USP10: variants seen among roughly 807,000 people sequenced by gnomAD.
USP10 encodes the protein ubiquitin carboxyl-terminal hydrolase 10.
USP10 carries 22 observed loss-of-function variants against 84.5 expected under a neutral mutation model. The ratio of observed to expected loss-of-function variants is 0.26; its 90% CI spans 0.19 to 0.37. USP10 has a LOEUF of 0.37. Among genes scored for constraint, USP10 ranks in the 10% least tolerant of loss-of-function variants. The pLI is 1.00. For missense variants in USP10, 1,019 were observed against 998.9 expected (o/e 1.02, Z -0.27); for synonymous variants, 454 against 387.6 (o/e 1.17, Z -2.01).
intron 1 of USP10, among the ~76,000 whole-genome samples, chr16:84,707,692 A>G (rs1364716893): frequency 6.6e-6 from 1 of 152,252 alleles, no homozygotes; most frequent in Non-Finnish European, 1.5e-5. Flanking sequence ...TGGAGATTGA[A>G]GTGACTTATC....
intron 1 of USP10, among the ~76,000 whole-genome samples, chr16:84,722,427 G>A (rs559990122): frequency 2.6e-5 from 4 of 152,336 alleles, no homozygotes; most frequent in Admixed American, 6.5e-5. Context: ...TTCATTTCTT[G>A]TGGGTAAAAT....
At chr16:84,776,306 T>C (rs28557394) in intron 13 of USP10, among the ~76,000 whole-genome samples, 5 of 98,008 alleles carry the variant, frequency 5.1e-5, no homozygotes, top group South Asian at 3.4e-4. Context: ...GGTGAGGGCC[T>C]AGCGGTGGGG....
intron 4 of USP10, among the ~76,000 whole-genome samples, chr16:84,748,871 C>T (rs1007947875): frequency 7.2e-5 from 11 of 152,234 alleles, no homozygotes; most frequent in African/African-American, 2.7e-4. Flanking sequence ...CCTTGCCACA[C>T]ACAGTCCACG....
Position 84,769,522 on chromosome 16 carries a change from G to T in USP10, c.1998+1164G>T, listed in dbSNP as rs937352824. Among the ~76,000 whole-genome samples the T allele has an allele frequency of 5.3e-5, 8 of 152,270 alleles. No homozygotes were observed. In the South Asian group the frequency reaches 8.3e-4, roughly 16 times the overall value. The stretch of plus-strand genomic sequence containing the variant: ...GAGTCTGGCGGTGGACCTCGTGGAA[G>T]AGAGAGAGGGAAAAAGTGGTATTTG... On this transcript the variant is annotated intron_variant, in intron 11 of 13. Transcript: ENST00000219473.
chr16:84,761,422 G>A (rs1913190271), intron 8 of USP10, among the ~76,000 whole-genome samples: 1 of 152,240 alleles, frequency 6.6e-6, no homozygotes, highest in Non-Finnish European at 1.5e-5. Flanking sequence ...GCAGAAGCTG[G>A]TATACCCGTG....
chr16:84,755,545 T>C (rs2150841287), intron 4 of USP10, among the ~76,000 whole-genome samples: 1 of 152,222 alleles, frequency 6.6e-6, no homozygotes, highest in Non-Finnish European at 1.5e-5. Flanking sequence ...TGTGTGATTA[T>C]CAATCTGTTG....
intron 4 of USP10, among the ~76,000 whole-genome samples, chr16:84,746,634 T>G (rs1396791186): frequency 6.6e-6 from 1 of 152,182 alleles, no homozygotes; most frequent in Non-Finnish European, 1.5e-5. Context: ...TGAATGGAGC[T>G]TGCAAGACTG....
intron 1 of USP10, among the ~76,000 whole-genome samples, chr16:84,710,515 G>A (rs1196443256): frequency 1.3e-5 from 2 of 152,080 alleles, no homozygotes; most frequent in African/African-American, 2.4e-5. Context: ...AGTGGTAATT[G>A]GATAGAGTAG....
At chr16:84,739,506 C>G (rs1910369380) in intron 2 of USP10, among the ~76,000 whole-genome samples, 1 of 152,116 alleles carries the variant, frequency 6.6e-6, no homozygotes, top group Non-Finnish European at 1.5e-5. Flanking sequence ...CTCCTGACCT[C>G]AAGTGATTCA....
intron 1 of USP10, among the ~76,000 whole-genome samples, chr16:84,713,581 G>A (rs1290522425): frequency 6.6e-6 from 1 of 152,102 alleles, no homozygotes; most frequent in African/African-American, 2.4e-5. Context: ...TTCACTGCTG[G>A]GGCCCCTAGT....
chr16:84,702,613 G>A (rs1215199301), intron 1 of USP10, among the ~76,000 whole-genome samples: 1 of 152,146 alleles, frequency 6.6e-6, no homozygotes, highest in Non-Finnish European at 1.5e-5. Flanking sequence ...AATAACAACT[G>A]CAAATTGAAG....
intron 1 of USP10, among the ~76,000 whole-genome samples, chr16:84,726,957 C>G (rs749783745): frequency 9.9e-5 from 15 of 152,212 alleles, no homozygotes; most frequent in Admixed American, 2.6e-4. Context: ...GTTGCTGAAA[C>G]CTTAGGGGGC....
chr16:84,721,331 A>G (rs1397661224), intron 1 of USP10, among the ~76,000 whole-genome samples: 1 of 152,220 alleles, frequency 6.6e-6, no homozygotes, highest in African/African-American at 2.4e-5. Flanking sequence ...TGAGAGATTA[A>G]CAAATAGAGC....
intron 10 of USP10, among the ~76,000 whole-genome samples, chr16:84,766,599 G>T (rs983984697): frequency 7.9e-5 from 12 of 152,166 alleles, no homozygotes; most frequent in African/African-American, 2.4e-4. Flanking sequence ...TGCAGAGGCC[G>T]GGTATCAGAA....
intron 2 of USP10, 38 bp downstream of exon 2, chr16:84,733,541 A>G (rs575043267): frequency 6.6e-6 from 9 of 1,368,290 alleles, no homozygotes; most frequent in Non-Finnish European, 9.1e-6. Context: ...CCGTGGGTAG[A>G]TACAATTAAT....
At position 84,773,647 on chromosome 16, in the gene USP10, C is replaced by G. The variant is rs1223034587; in HGVS notation, c.2143+962C>G. Among the ~76,000 whole-genome samples, 4 of 152,228 alleles carry G rather than the reference C, an allele frequency of 2.6e-5. No individual in the cohort carries two copies. In the East Asian group the frequency reaches 7.7e-4, roughly 29 times the overall value. On this transcript the variant is annotated intron_variant, in intron 12 of 13. Transcript: ENST00000219473. ...AGTGTCCGTTGCTCCTCTCACACTT[C>G]TAGCTGCCTTATCACTCATCAGCCG...
intron 1 of USP10, among the ~76,000 whole-genome samples, chr16:84,706,635 G>C (rs1209823443): frequency 6.6e-6 from 1 of 151,562 alleles, no homozygotes; most frequent in Non-Finnish European, 1.5e-5. Context: ...CCGCCTCCCG[G>C]GTTCACGCCA....
chr16:84,705,530 C>G (rs958101972), intron 1 of USP10, among the ~76,000 whole-genome samples: 3 of 151,780 alleles, frequency 2.0e-5, no homozygotes, highest in Non-Finnish European at 2.9e-5. Flanking sequence ...CACACCCAGC[C>G]ACTCCTGTGC....
chr16:84,717,431 T>C (rs1907177549), intron 1 of USP10, among the ~76,000 whole-genome samples: 1 of 152,210 alleles, frequency 6.6e-6, no homozygotes, highest in South Asian at 2.1e-4. Flanking sequence ...ATGTCCTCCT[T>C]CCCTGACCCC....
Sources: allele counts gnomAD v4.1 joint callset (sites outside exome capture counted in the v4.1 genomes callset), GRCh38; gene constraint gnomAD v4.1.1; transcripts MANE v1.5; gene names NCBI Gene and HGNC (gene_info 2026-07-23, HGNC 2026-07-21).